The following CFAP97D2 variants were observed in gnomAD, a reference collection of about 807,000 sequenced individuals.
CFAP97D2 encodes the protein CFAP97 domain containing 2.
chr13:114,204,645 G>A (rs1037119354), intron 3 of CFAP97D2, among the ~76,000 whole-genome samples: 1 of 152,070 alleles, frequency 6.6e-6, no homozygotes, highest in Non-Finnish European at 1.5e-5. Flanking sequence ...GAATGAAGTT[G>A]GACTCTCACC....
At chr13:114,190,918 A>T (rs1416956374) in intron 1 of CFAP97D2, among the ~76,000 whole-genome samples, 1 of 152,226 alleles carries the variant, frequency 6.6e-6, no homozygotes, top group Non-Finnish European at 1.5e-5. Context: ...GGTATTAATG[A>T]AAGAATAGGC....
At chr13:114,210,206 CT>C (rs2080960781) in intron 3 of CFAP97D2, among the ~76,000 whole-genome samples, 1 of 152,108 alleles carries the variant, frequency 6.6e-6, no homozygotes, top group African/African-American at 2.4e-5. Flanking sequence ...TGGCTTAAGA[CT>C]TTTTACATCT....
intron 2 of CFAP97D2, 120 bp downstream of exon 2, chr13:114,196,596 A>G (rs2080888506): frequency 2.5e-6 from 1 of 395,956 alleles, no homozygotes; most frequent in Admixed American, 4.4e-5. Flanking sequence ...GACAAAATGC[A>G]GTCTAGGTGA....
intron 3 of CFAP97D2, among the ~76,000 whole-genome samples, chr13:114,209,430 A>G (rs1300571855): frequency 2.6e-5 from 4 of 152,252 alleles, no homozygotes; most frequent in Non-Finnish European, 5.9e-5. Flanking sequence ...CGATGTCTCA[A>G]GTACAACACC....
intron 2 of CFAP97D2, among the ~76,000 whole-genome samples, chr13:114,198,889 G>T (rs372286611): frequency 1.3e-4 from 7 of 52,304 alleles, no homozygotes; most frequent in East Asian, 8.8e-4. Flanking sequence ...GTCCCCGTGT[G>T]TACGGTCCCC....
intron 1 of CFAP97D2, among the ~76,000 whole-genome samples, chr13:114,182,551 T>C (rs1002834101): frequency 2.6e-5 from 4 of 152,032 alleles, no homozygotes; most frequent in African/African-American, 7.3e-5. Flanking sequence ...TTTCAGACTA[T>C]CACATGGGGA....
chr13:114,191,371 T>A (rs1168540702), intron 1 of CFAP97D2, among the ~76,000 whole-genome samples: 1 of 152,096 alleles, frequency 6.6e-6, no homozygotes, highest in Non-Finnish European at 1.5e-5. Flanking sequence ...AAAAGATACG[T>A]CTGATAAAAG....
chr13:114,196,058 G>C (rs2080885462), intron 1 of CFAP97D2, among the ~76,000 whole-genome samples: 1 of 142,588 alleles, frequency 7.0e-6, no homozygotes, highest in Non-Finnish European at 1.5e-5. Context: ...GCTCCAGCCT[G>C]GGCAACAGAG....
At chr13:114,180,447 G>T (rs967042908) in intron 1 of CFAP97D2, among the ~76,000 whole-genome samples, 1 of 152,104 alleles carries the variant, frequency 6.6e-6, no homozygotes, top group African/African-American at 2.4e-5. Context: ...ACTCTTCCCG[G>T]CTCCTTCCCC....
At chr13:114,190,953 A>G (rs936706420) in intron 1 of CFAP97D2, among the ~76,000 whole-genome samples, 2 of 152,260 alleles carry the variant, frequency 1.3e-5, no homozygotes, top group African/African-American at 4.8e-5. Flanking sequence ...TCTTTGACAC[A>G]GCAACAAAGG....
At chr13:114,197,886 T>C (rs1450630712) in intron 2 of CFAP97D2, among the ~76,000 whole-genome samples, 2 of 150,468 alleles carry the variant, frequency 1.3e-5, no homozygotes, top group Non-Finnish European at 2.9e-5. Context: ...GGTTTCACCA[T>C]GTTGGCCAGG....
chr13:114,197,056 A>G lies in CFAP97D2; in HGVS notation c.171+580A>G, dbSNP rs1488490282. On this transcript the variant is annotated intron_variant, in intron 2 of 4. Coordinates refer to ENST00000646158, the Ensembl canonical transcript of CFAP97D2. The stretch of plus-strand genomic sequence containing the variant: ...GTGGAGACCGAAATTCTTATCATGC[A>G]GATGAAGCCTCCAGGTAGCAGGCTT... 2.0e-5 allele frequency among the ~76,000 whole-genome samples: 3 copies of G among 152,216 alleles called. 1 individual carries two copies. Among genetic ancestry groups the G allele is most frequent in the South Asian group, 4.1e-4 (2 of 4,832 alleles).
rs183442860 is a variant in CFAP97D2 at position 114,204,805 on chromosome 13, G to T, written c.290+4362G>T. On this transcript the variant is annotated intron_variant, in intron 3 of 4. Coordinates refer to ENST00000646158, the Ensembl canonical transcript of CFAP97D2. Reference sequence around the variant, plus strand: ...AAGATATGGCACCAAAAGCAGGAATGACAAACAAGAAGATACATAAACTGG... The same window carrying T: ...AAGATATGGCACCAAAAGCAGGAATTACAAACAAGAAGATACATAAACTGG... Among the ~76,000 whole-genome samples the T allele has an allele frequency of 3.0e-3, 457 of 152,118 alleles. 20 individuals are homozygous for T. The South Asian group carries it at 0.074, about 25-fold the overall frequency.
chr13:114,210,577 G>A lies in CFAP97D2; in HGVS notation c.291-1335G>A, dbSNP rs115124823. On this transcript the variant is annotated intron_variant, in intron 3 of 4. Transcript: ENST00000646158. ...TTCTGCCCTATTTTCTTCTGCTCCC[G>A]TGGCTCAGCCTTTGGCTGCCTCCCT... Among the ~76,000 whole-genome samples the A allele has an allele frequency of 2.6e-3, 388 of 151,944 alleles. 3 individuals are homozygous for A. The highest frequency in any genetic ancestry group is 9.2e-3 in the African/African-American group (379 of 41,404).
At chr13:114,197,432 A>T (rs377382630) in intron 2 of CFAP97D2, among the ~76,000 whole-genome samples, 1 of 152,150 alleles carries the variant, frequency 6.6e-6, no homozygotes. Flanking sequence ...GTCCAACCCC[A>T]CTTCCCATCA....
At chr13:114,198,442 T>C (rs948504608) in intron 2 of CFAP97D2, among the ~76,000 whole-genome samples, 5 of 152,264 alleles carry the variant, frequency 3.3e-5, no homozygotes, top group Admixed American at 3.3e-4. Flanking sequence ...TATTCTCTTC[T>C]TATAACTGAA....
rs982617429 is a variant in CFAP97D2 at position 114,185,357 on chromosome 13, C to G, written c.90+5937C>G. The stretch of plus-strand genomic sequence containing the variant: ...AGCAGTGCAGTTGGGCACACAGGAG[C>G]AGGCAGAGAGGGGCCCAGTGGGGAC... On this transcript the variant is annotated intron_variant, in intron 1 of 4. Coordinates refer to ENST00000646158, the Ensembl canonical transcript of CFAP97D2. The surrounding 1 kb of genome is among the most constrained non-coding windows in gnomAD (Gnocchi z 5.2). 4.6e-5 allele frequency among the ~76,000 whole-genome samples: 7 copies of G among 152,328 alleles called. No homozygotes were observed. Among genetic ancestry groups the G allele is most frequent in the African/African-American group, 1.7e-4 (7 of 41,584 alleles).
Position 114,207,213 on chromosome 13 carries a change from C to T in CFAP97D2, c.291-4699C>T, listed in dbSNP as rs767574410. Among the ~76,000 whole-genome samples the T allele has an allele frequency of 3.9e-5, 6 of 152,204 alleles. 1 individual carries two copies. Among genetic ancestry groups the T allele is most frequent in the African/African-American group, 7.2e-5 (3 of 41,448 alleles). On this transcript the variant is annotated intron_variant, in intron 3 of 4. Transcript: ENST00000646158. The surrounding 1 kb of genome is among the most constrained non-coding windows in gnomAD (Gnocchi z 4.9). ...GGGCACACAGAAAGTCCTCAGGGCT[C>T]GCAAACCAGAAAGTATCTAGACAGG...
intron 1 of CFAP97D2, among the ~76,000 whole-genome samples, chr13:114,195,955 C>T (rs887061443): frequency 6.6e-6 from 1 of 150,712 alleles, no homozygotes; most frequent in Non-Finnish European, 1.5e-5. Context: ...TGGTGGCGGG[C>T]GCCTGTAGTC....
Sources: allele counts gnomAD v4.1 joint callset (sites outside exome capture counted in the v4.1 genomes callset), GRCh38; gene constraint gnomAD v4.1.1; non-coding constraint Gnocchi (gnomAD v3.1); transcripts MANE v1.5; gene names NCBI Gene and HGNC (gene_info 2026-07-23, HGNC 2026-07-21).